MYO7B: variants seen among roughly 807,000 people sequenced by gnomAD.
MYO7B encodes unconventional myosin-VIIb.
In MYO7B, 212 loss-of-function variants were observed where a neutral mutation model predicts 259.7. The observed-to-expected ratio is 0.82, with a 90% confidence interval of 0.73 to 0.91. The LOEUF (loss-of-function observed/expected upper bound fraction) is 0.91, where lower values mean the gene tolerates loss of function less well. MYO7B is among the 40% of genes least tolerant of loss of function. The pLI, the probability that MYO7B is intolerant of heterozygous loss-of-function variation, is 0.00. For missense variants in MYO7B, 2,732 were observed against 2,813.5 expected, an observed-to-expected ratio of 0.97 and a Z score of 0.66; for synonymous variants, 1,197 against 1,166.4, an observed-to-expected ratio of 1.03 and a Z score of -0.54.
rs576096430 is a variant in MYO7B, at chr2:127,608,330, C to T, written c.2644-378C>T. On this transcript the variant is annotated intron_variant, in intron 21 of 47. Transcript: ENST00000409816. ...ACTTCGTTACTGCAGCCCCTGGGGACCTGTCCTGGTGGACCCTTTTTGCCC... is the reference window on the plus strand; with the variant it reads ...ACTTCGTTACTGCAGCCCCTGGGGATCTGTCCTGGTGGACCCTTTTTGCCC... 1.2e-4 allele frequency among the ~76,000 whole-genome samples: 19 copies of T among 152,286 alleles called. No homozygotes were observed. In the South Asian group the frequency reaches 3.7e-3, roughly 30 times the overall value.
chr2:127,628,574 T>A lies in MYO7B; in HGVS notation c.4624+39T>A. 5.2e-5 allele frequency: 1 copy of A among 19,200 alleles called. No individual in the cohort carries two copies. The highest frequency in any genetic ancestry group is 1.8e-3 in the East Asian group (1 of 542). The allele number at this position is 19,200 out of a possible 1,614,324, so 1.2% of individuals were successfully genotyped here. On this transcript the variant is annotated intron_variant, in intron 34 of 47. Transcript: ENST00000409816. The surrounding 1 kb of genome is among the most constrained non-coding windows in gnomAD (Gnocchi z 4.8). ...TGGGGTGGGGTGGGGTGGGGTGGGG[T>A]GGGGGAGGGCCGCGCATGGGGTCTG...
At chr2:127,566,487 C>T (rs1038887662) in intron 4 of MYO7B, among the ~76,000 whole-genome samples, 156 bp from the exon 5 acceptor site, 1 of 152,232 alleles carries the variant, frequency 6.6e-6, no homozygotes, top group Non-Finnish European at 1.5e-5. Flanking sequence ...AGCTGAATGT[C>T]TGATCTCCCT....
rs954176130 is a variant in MYO7B at position 127,597,786 on chromosome 2, C to G, written c.2339+1230C>G. Among the ~76,000 whole-genome samples the G allele has an allele frequency of 6.6e-6, 1 of 152,004 alleles. No individual in the cohort carries two copies. Among genetic ancestry groups the G allele is most frequent in the Non-Finnish European group, 1.5e-5 (1 of 68,006 alleles). Reference sequence around the variant, plus strand: ...AGTAGCTGGTACTACTACAGGCGCCCGCCACCATGCCTGGCTAATTATTGT... The same window carrying G: ...AGTAGCTGGTACTACTACAGGCGCCGGCCACCATGCCTGGCTAATTATTGT... On this transcript the variant is annotated intron_variant, in intron 19 of 47. Transcript: ENST00000409816. The surrounding 1 kb of genome is among the most constrained non-coding windows in gnomAD (Gnocchi z 4.8).
At chr2:127,544,575 ATTTTTT>A (rs35578661) in intron 1 of MYO7B, among the ~76,000 whole-genome samples, 4 of 103,150 alleles carry the variant, frequency 3.9e-5, no homozygotes, top group Admixed American at 1.1e-4. Flanking sequence ...CGTCTGGCTA[ATTTTTT>A]TTTTTTTTTT....
intron 38 of MYO7B, 55 bp downstream of exon 38, chr2:127,631,808 CCTGA>C: frequency 3.8e-6 from 6 of 1,582,954 alleles, no homozygotes; most frequent in Non-Finnish European, 5.2e-6. Flanking sequence ...CATCCCGGCC[CCTGA>C]GGCCAGACCG....
At chr2:127,623,717 C>A (rs1417358483) in intron 29 of MYO7B, among the ~76,000 whole-genome samples, 1 of 152,164 alleles carries the variant, frequency 6.6e-6, no homozygotes, top group Non-Finnish European at 1.5e-5. Context: ...CTGTGGACAC[C>A]CCTGCAGCAA....
intron 2 of MYO7B, among the ~76,000 whole-genome samples, chr2:127,561,691 G>A (rs1019207012): frequency 6.6e-6 from 1 of 152,144 alleles, no homozygotes; most frequent in Non-Finnish European, 1.5e-5. Flanking sequence ...AGATAAGAAA[G>A]TTAAGGTTCA....
rs963415302 is a variant in MYO7B, at chr2:127,559,944, T to C, written c.18+204T>C. ...CTGGCCTCGGCAATACATGTATAGT[T>C]ATGTATAGTTATCCCTCACTTTCAT... On this transcript the variant is annotated intron_variant, in intron 2 of 47. Transcript: ENST00000409816. This position sits in a 1 kb window ranked among gnomAD's most constrained non-coding sequence, Gnocchi z 4.1. Among the ~76,000 whole-genome samples, 21 of 152,118 alleles carry C rather than the reference T, an allele frequency of 1.4e-4. No homozygotes were observed. The highest frequency in any genetic ancestry group is 5.9e-4 in the Admixed American group (9 of 15,274).
chr2:127,570,592 A>G (rs1205043797), intron 6 of MYO7B, among the ~76,000 whole-genome samples: 2 of 152,248 alleles, frequency 1.3e-5, no homozygotes, highest in Non-Finnish European at 2.9e-5. Flanking sequence ...TCGTTTCTTT[A>G]CAACTGAAGT....
At chr2:127,617,784 G>A (rs1006887417) in intron 26 of MYO7B, among the ~76,000 whole-genome samples, 1 of 150,102 alleles carries the variant, frequency 6.7e-6, no homozygotes, top group Non-Finnish European at 1.5e-5. Context: ...TTACAGGCGT[G>A]AGCCACCGCG....
At chr2:127,592,449 T>G (rs1679592593) in intron 16 of MYO7B, among the ~76,000 whole-genome samples, 1 of 152,210 alleles carries the variant, frequency 6.6e-6, no homozygotes, top group Non-Finnish European at 1.5e-5. Flanking sequence ...CATTTTAAAC[T>G]GGGCATGTGC....
Position 127,612,235 on chromosome 2 carries a change from T to C in MYO7B, c.3193-15T>C. 1.6e-6 allele frequency: 1 copy of C among 618,078 alleles called. No homozygotes were observed. The highest frequency in any genetic ancestry group is 3.0e-6 in the Non-Finnish European group (1 of 335,112). The allele number at this position is 618,078 out of a possible 1,614,324, so 38.3% of individuals were successfully genotyped here. On this transcript the variant is annotated splice_polypyrimidine_tract_variant and intron_variant, in intron 24 of 47. Transcript: ENST00000409816. ...CCCAGGCTCACCTTCCTGCGGGAAC[T>C]GTCTCCCTCCACAGAGATCTGGCTG...
At chr2:127,580,950 A>C in intron 10 of MYO7B, 128 bp downstream of exon 10, 2 of 910,404 alleles carry the variant, frequency 2.2e-6, no homozygotes, top group Non-Finnish European at 3.4e-6. Flanking sequence ...CCTATGCTCA[A>C]ACCCCTCCCT....
Position 127,605,871 on chromosome 2 carries a change from A to G in MYO7B, c.2367A>G (p.Ala789=), listed in dbSNP as rs767901094. The change falls in exon 20 of 48, where the codon GCA becomes GCG. Residue 789 remains alanine, a synonymous_variant. Coordinates refer to ENST00000409816, the MANE Select transcript of MYO7B (RefSeq NM_001393586.1). ...YRKEFLRQRR[A]AVTLQAWWRG... is the part of the protein sequence containing the mutation. The stretch of plus-strand genomic sequence containing the variant: ...AGGAGTTCCTGAGGCAGAGGCGGGC[A>G]GCTGTGACCCTGCAGGCCTGGTGGA... 40 of 1,613,676 alleles carry G rather than the reference A, an allele frequency of 2.5e-5. No homozygotes were observed. Among genetic ancestry groups the G allele is most frequent in the Non-Finnish European group, 3.4e-5 (40 of 1,179,852 alleles).
rs538926793 is a variant in MYO7B at position 127,546,075 on chromosome 2, T to A, written c.-24+10244T>A. On this transcript the variant is annotated intron_variant, in intron 1 of 47. Transcript: ENST00000409816. The surrounding 1 kb of genome is among the most constrained non-coding windows in gnomAD (Gnocchi z 4.2). Reference sequence around the variant, plus strand: ...GCTCTGGGGAGCAGGGAATAGGCAGTCAGCTGGTGGCATAGGAGAACTTCC... The same window carrying A: ...GCTCTGGGGAGCAGGGAATAGGCAGACAGCTGGTGGCATAGGAGAACTTCC... Among the ~76,000 whole-genome samples the A allele has an allele frequency of 5.1e-4, 78 of 152,208 alleles. No individual in the cohort carries two copies. Among genetic ancestry groups the A allele is most frequent in the Non-Finnish European group, 1.0e-3 (70 of 68,032 alleles).
rs2105024999 is a variant in MYO7B, at chr2:127,607,368, C to T, written c.2587C>T (p.Gln863Ter). Reference sequence around the variant, plus strand: ...CAAGAGGAGGGCAGTGGTGGTCATTCAGGCCCATGCCAGGGGCATGGCTGC... The same window carrying T: ...CAAGAGGAGGGCAGTGGTGGTCATTTAGGCCCATGCCAGGGGCATGGCTGC... ...QAKRRAVVVI[Q>*]AHARGMAARR... Residue 863 changes from glutamine (Q) to a stop codon, truncating the protein, a stop_gained, in exon 21 of 48, where the codon CAG (glutamine) becomes TAG (stop). Coordinates refer to ENST00000409816, the MANE Select transcript of MYO7B (RefSeq NM_001393586.1). LOFTEE classifies it high-confidence loss of function. The surrounding 1 kb of genome is among the most constrained non-coding windows in gnomAD (Gnocchi z 4.4). The T allele has an allele frequency of 6.4e-7, 1 of 1,551,466 alleles. No homozygotes were observed. Among genetic ancestry groups the T allele is most frequent in the South Asian group, 1.2e-5 (1 of 84,060 alleles).
chr2:127,540,993 A>T (rs535303924), intron 1 of MYO7B, among the ~76,000 whole-genome samples: 20 of 152,282 alleles, frequency 1.3e-4, no homozygotes, highest in Non-Finnish European at 2.5e-4. Flanking sequence ...CTCTAAAATG[A>T]TGGAGGGATT....
intron 1 of MYO7B, among the ~76,000 whole-genome samples, chr2:127,542,655 G>A (rs1693050688): frequency 6.6e-6 from 1 of 152,348 alleles, no homozygotes; most frequent in East Asian, 1.9e-4. Context: ...AAGAGACACA[G>A]AGACAAAGTA....
chr2:127,627,028 G>A lies in MYO7B; in HGVS notation c.4269G>A (p.Val1423=). ...VTPLAVREQV[V]DAARLQWPLL... Reference sequence around the variant, plus strand: ...CACTGGCCGTGCGAGAGCAGGTGGTGGACGCCGCCCGCCTGCAGTGGCCGC... The same window carrying A: ...CACTGGCCGTGCGAGAGCAGGTGGTAGACGCCGCCCGCCTGCAGTGGCCGC... The change falls in exon 32 of 48, where the codon GTG becomes GTA. Residue 1423 remains valine (V), a synonymous_variant. Transcript: ENST00000409816. The surrounding 1 kb of genome is among the most constrained non-coding windows in gnomAD (Gnocchi z 5.6). 1 of 1,610,988 alleles carries A rather than the reference G, an allele frequency of 6.2e-7. No individual in the cohort carries two copies. The highest frequency in any genetic ancestry group is 1.7e-4 in the Middle Eastern group (1 of 6,058).
Sources: gnomAD v4.1 joint callset for allele counts (sites outside exome capture counted in the v4.1 genomes callset) on GRCh38, gnomAD v4.1.1 for gene constraint, Gnocchi (gnomAD v3.1) non-coding constraint, MANE v1.5 for transcripts, NCBI Gene and HGNC (gene_info 2026-07-23, HGNC 2026-07-21) for gene names.